The following DNAAF4 variants were observed in gnomAD, a reference collection of about 807,000 sequenced individuals.
The protein encoded by DNAAF4 is dynein axonemal assembly factor 4.
DNAAF4 carries 43 observed loss-of-function variants against 51.8 expected under a neutral mutation model. The ratio of observed to expected loss-of-function variants is 0.83; its 90% CI spans 0.65 to 1.07. The LOEUF is 1.07. DNAAF4 is among the 50% of genes least tolerant of loss of function. The probability of loss-of-function intolerance (pLI) is 0.00; values close to 1 mark genes in which losing one functional copy is unlikely to be tolerated. For synonymous variants in DNAAF4, 194 were observed against 165.6 expected, an observed-to-expected ratio of 1.17 and a Z score of -1.32; for missense variants, 581 against 493.0, an observed-to-expected ratio of 1.18 and a Z score of -1.69.
intron 4 of DNAAF4, among the ~76,000 whole-genome samples, chr15:55,490,735 C>T (rs1344926542): frequency 1.3e-5 from 2 of 152,068 alleles, no homozygotes; most frequent in South Asian, 2.1e-4. Context: ...GGGCAGATCA[C>T]GAGGTCAGGA....
rs554324913 is a variant in DNAAF4, at chr15:55,490,755, C to T, written c.405+368G>A. On this transcript the variant is annotated intron_variant, in intron 4 of 9. Transcript: ENST00000321149. ...GATCACGAGGTCAGGAGATCGAGAC[C>T]ATCCCGGCTAACACGGTGAAACCCT... Among the ~76,000 whole-genome samples the T allele has an allele frequency of 1.4e-4, 22 of 152,192 alleles. No individual in the cohort carries two copies. The East Asian group carries it at 3.9e-3, about 27-fold the overall frequency.
intron 4 of DNAAF4, among the ~76,000 whole-genome samples, chr15:55,478,773 T>G (rs932568270): frequency 6.6e-6 from 1 of 152,174 alleles, no homozygotes; most frequent in Non-Finnish European, 1.5e-5. Flanking sequence ...TCCTATCAAA[T>G]CAACCTTTCT....
chr15:55,497,338 G>C (rs936218777), intron 3 of DNAAF4, among the ~76,000 whole-genome samples: 1 of 151,964 alleles, frequency 6.6e-6, no homozygotes. Context: ...GCTCGCACCC[G>C]TAATCCCAGC....
chr15:55,473,227 G>T (rs1386350396), intron 4 of DNAAF4, among the ~76,000 whole-genome samples: 1 of 114,670 alleles, frequency 8.7e-6, no homozygotes. Context: ...ATATATGTGT[G>T]TGTGTATATA....
At chr15:55,469,544 G>A (rs1285596765) in intron 4 of DNAAF4, among the ~76,000 whole-genome samples, 12 of 132,390 alleles carry the variant, frequency 9.1e-5, no homozygotes, top group African/African-American at 2.6e-4. Context: ...GTGCAGTGGC[G>A]CAATCTCGGC....
At position 55,497,708 on chromosome 15, in the gene DNAAF4, T is replaced by C; in HGVS notation, c.271+4A>G. On this transcript the variant is annotated splice_donor_region_variant and intron_variant, in intron 3 of 9. Transcript: ENST00000321149. ...AGATGAACATCTTTTAATAAAGAAC[T>C]TACCACCCGTCACAGAAAGGGTCTC... 1 of 1,599,656 alleles carries C rather than the reference T, an allele frequency of 6.3e-7. No individual in the cohort carries two copies. Among genetic ancestry groups the C allele is most frequent in the Non-Finnish European group, 8.5e-7 (1 of 1,175,516 alleles).
chr15:55,484,393 G>C (rs1242117523), intron 4 of DNAAF4, among the ~76,000 whole-genome samples: 1 of 151,728 alleles, frequency 6.6e-6, no homozygotes, highest in Non-Finnish European at 1.5e-5. Context: ...GCTGAGGCAG[G>C]AGAATGGCTT....
At chr15:55,493,136 G>T (rs2058596719) in intron 3 of DNAAF4, among the ~76,000 whole-genome samples, 1 of 152,110 alleles carries the variant, frequency 6.6e-6, no homozygotes. Context: ...ACACAGTACG[G>T]TGCCATCTAC....
At chr15:55,474,997 C>T (rs1289447675) in intron 4 of DNAAF4, among the ~76,000 whole-genome samples, 1 of 151,952 alleles carries the variant, frequency 6.6e-6, no homozygotes, top group East Asian at 1.9e-4. Flanking sequence ...AACAAACAAA[C>T]AAAAAATATA....
intron 8 of DNAAF4, among the ~76,000 whole-genome samples, chr15:55,433,715 T>C (rs979968649): frequency 2.3e-5 from 3 of 132,754 alleles, no homozygotes; most frequent in African/African-American, 8.4e-5. Context: ...ATATATTATA[T>C]ATATAAAACA....
At chr15:55,456,240 G>A (rs899855101) in intron 5 of DNAAF4, among the ~76,000 whole-genome samples, 3 of 151,642 alleles carry the variant, frequency 2.0e-5, no homozygotes, top group South Asian at 4.2e-4. Context: ...CCACCACCAC[G>A]TCCGGCTAGT....
intron 7 of DNAAF4, among the ~76,000 whole-genome samples, chr15:55,421,018 G>A (rs963699143): frequency 2.6e-5 from 4 of 151,694 alleles, no homozygotes; most frequent in Admixed American, 2.0e-4. Context: ...ACAAAACCCC[G>A]TCTCTACTAA....
At chr15:55,466,314 C>A (rs566052054) in intron 5 of DNAAF4, among the ~76,000 whole-genome samples, 1 of 152,006 alleles carries the variant, frequency 6.6e-6, no homozygotes, top group Non-Finnish European at 1.5e-5. Context: ...GTAGTCCCAG[C>A]TACTTGGGAG....
chr15:55,478,734 T>C (rs911317681), intron 4 of DNAAF4, among the ~76,000 whole-genome samples: 1 of 152,188 alleles, frequency 6.6e-6, no homozygotes, highest in Non-Finnish European at 1.5e-5. Context: ...AAGGTTACAA[T>C]GACAAGACAA....
At chr15:55,485,507 ATTAAGGTTTCTG>A (rs1192245199) in intron 4 of DNAAF4, among the ~76,000 whole-genome samples, 174 of 152,308 alleles carry the variant, frequency 1.1e-3, no homozygotes, top group Non-Finnish European at 2.4e-4. Context: ...TCTTTCAAAG[ATTAAGGTTTCTG>A]GGTTTCAACT....
At chr15:55,441,311 C>T (rs1355591928) in intron 6 of DNAAF4, among the ~76,000 whole-genome samples, 1 of 147,304 alleles carries the variant, frequency 6.8e-6, no homozygotes, top group East Asian at 2.1e-4. Context: ...ACCTTGTGAT[C>T]TGCCCACCTC....
At position 55,435,045 on chromosome 15, in the gene DNAAF4, T is replaced by A. The variant is rs2057585397; in HGVS notation, c.907A>T (p.Thr303Ser). The change falls in exon 8 of 10, where the codon ACG (threonine) becomes TCG (serine). Residue 303 changes from threonine to serine, a missense_variant. Transcript: ENST00000321149. Reference protein sequence around the residue: ...LKDKGNKLFATENYLAAINAY... With the variant: ...LKDKGNKLFASENYLAAINAY... ...TTGATAGCTGCCAAATAGTTTTCCG[T>A]TGCAAACAATTTGCTAATGAGACAA... 5 of 1,588,674 alleles carry A rather than the reference T, an allele frequency of 3.1e-6. No homozygotes were observed. The highest frequency in any genetic ancestry group is 3.4e-6 in the Non-Finnish European group (4 of 1,172,690).
At chr15:55,439,835 T>A (rs2057678950) in intron 6 of DNAAF4, among the ~76,000 whole-genome samples, 1 of 152,038 alleles carries the variant, frequency 6.6e-6, no homozygotes, top group Non-Finnish European at 1.5e-5. Context: ...AACGAGTTTA[T>A]CCTTTTAAGA....
intron 5 of DNAAF4, among the ~76,000 whole-genome samples, chr15:55,462,148 TA>T (rs2058101901): frequency 6.7e-6 from 1 of 149,850 alleles, no homozygotes; most frequent in South Asian, 2.1e-4. Context: ...AACAGTAATT[TA>T]AAAATGGCCA....
Sources: gnomAD v4.1 joint callset for allele counts (sites outside exome capture counted in the v4.1 genomes callset) on GRCh38, gnomAD v4.1.1 for gene constraint, MANE v1.5 for transcripts, NCBI Gene and HGNC (gene_info 2026-07-23, HGNC 2026-07-21) for gene names.